Variants in ADGRD1 observed in about 807,000 individuals in gnomAD.
The protein encoded by ADGRD1 is G-protein coupled receptor 133.
In ADGRD1, 77 loss-of-function variants were observed where a neutral mutation model predicts 113.4. The observed-to-expected ratio is 0.68, with a 90% CI of 0.57 to 0.82. The LOEUF is 0.82. ADGRD1 is among the 40% of genes least tolerant of loss of function. ADGRD1 has a pLI of 0.00. For missense variants in ADGRD1, 1,036 were observed against 1,139.1 expected, an observed-to-expected ratio of 0.91 and a Z score of 1.30; for synonymous variants, 474 against 475.0, an observed-to-expected ratio of 1.00 and a Z score of 0.03.
Position 131,060,906 on chromosome 12 carries a change from G to A in ADGRD1, c.1474-15895G>A, listed in dbSNP as rs1159655537. 6.6e-6 allele frequency among the ~76,000 whole-genome samples: 1 copy of A among 151,994 alleles called. No homozygotes were observed. The highest frequency in any genetic ancestry group is 1.5e-5 in the Non-Finnish European group (1 of 68,004). ...GCCTCCCAGGGGCTCAGTCCACCCC[G>A]CCCATGTTACCTGGATGGAGAACAG... On this transcript the variant is annotated intron_variant, in intron 13 of 24. Coordinates refer to ENST00000261654, the MANE Select transcript of ADGRD1 (RefSeq NM_198827.5). The surrounding 1 kb of genome is among the most constrained non-coding windows in gnomAD (Gnocchi z 4.4).
intron 12 of ADGRD1, among the ~76,000 whole-genome samples, chr12:131,007,809 G>A (rs1185342897): frequency 6.6e-6 from 1 of 152,252 alleles, no homozygotes; most frequent in Admixed American, 6.5e-5. Context: ...CATTTGCAGT[G>A]AAGTTGGATC....
intron 13 of ADGRD1, among the ~76,000 whole-genome samples, chr12:131,021,373 C>CT (rs1879295246): frequency 6.6e-6 from 1 of 152,142 alleles, no homozygotes; most frequent in Non-Finnish European, 1.5e-5. Context: ...TCTCCCATGA[C>CT]TTTGACACTT....
chr12:130,994,067 G>A (rs1593314451), intron 8 of ADGRD1: 1 of 240,102 alleles, frequency 4.2e-6, no homozygotes, highest in Non-Finnish European at 9.0e-6. Flanking sequence ...CAAGGGGAGT[G>A]GGATTAGCAA....
intron 5 of ADGRD1, 115 bp downstream of exon 5, chr12:130,982,178 T>G (rs1040555274): frequency 1.1e-6 from 1 of 876,368 alleles, no homozygotes; most frequent in African/African-American, 1.7e-5. Context: ...TGCTGCCTCC[T>G]GGCACCCGAG....
intron 13 of ADGRD1, among the ~76,000 whole-genome samples, chr12:131,038,684 C>T (rs528674939): frequency 8.5e-4 from 129 of 152,312 alleles, no homozygotes; most frequent in Non-Finnish European, 1.2e-3. Context: ...GGCAACCTGC[C>T]TCTGACTCTG....
intron 20 of ADGRD1, 60 bp downstream of exon 20, chr12:131,120,973 G>A (rs1441219037): frequency 6.0e-6 from 9 of 1,501,034 alleles, no homozygotes; most frequent in African/African-American, 2.8e-5. Flanking sequence ...AGGAGAGGGT[G>A]TGGGGCTCTG....
Position 130,982,077 on chromosome 12 carries a change from T to C in ADGRD1, c.490+14T>C, listed in dbSNP as rs757150423. On this transcript the variant is annotated intron_variant, in intron 5 of 24. Coordinates refer to ENST00000261654, the MANE Select transcript of ADGRD1 (RefSeq NM_198827.5). Reference sequence around the variant, plus strand: ...TCAGCCCCCCAGGTGAGTGACAGCATCGGTCCCGGGAGGCTCTGCCTGGAG... The same window carrying C: ...TCAGCCCCCCAGGTGAGTGACAGCACCGGTCCCGGGAGGCTCTGCCTGGAG... 1.9e-6 allele frequency: 3 copies of C among 1,610,126 alleles called. No homozygotes were observed. The highest frequency in any genetic ancestry group is 2.5e-6 in the Non-Finnish European group (3 of 1,177,644).
rs1389385721 is a variant in ADGRD1, at chr12:131,075,565, A to G, written c.1474-1236A>G. Among the ~76,000 whole-genome samples, 1 of 152,222 alleles carries G rather than the reference A, an allele frequency of 6.6e-6. No individual in the cohort carries two copies. The highest frequency in any genetic ancestry group is 1.5e-5 in the Non-Finnish European group (1 of 68,034). On this transcript the variant is annotated intron_variant, in intron 13 of 24. Transcript: ENST00000261654. The surrounding 1 kb of genome is among the most constrained non-coding windows in gnomAD (Gnocchi z 5.3). ...AGTAAACGTTCCATTTTGCCAAAACATTAGTAGTAGACAGCACTAGGATAA... is the reference window on the plus strand; with the variant it reads ...AGTAAACGTTCCATTTTGCCAAAACGTTAGTAGTAGACAGCACTAGGATAA...
intron 15 of ADGRD1, among the ~76,000 whole-genome samples, chr12:131,102,167 G>A (rs1235142562): frequency 6.6e-6 from 1 of 152,204 alleles, no homozygotes; most frequent in Admixed American, 6.5e-5. Flanking sequence ...TGGACAATTT[G>A]CTAATAATGT....
chr12:130,990,825 A>G (rs1455549224), intron 6 of ADGRD1, 189 bp from the exon 7 acceptor site: 1 of 520,032 alleles, frequency 1.9e-6, no homozygotes, highest in African/African-American at 1.9e-5. Context: ...ACCTGGGAAA[A>G]TCTATACGGT....
chr12:131,044,756 C>T (rs538633563), intron 13 of ADGRD1, among the ~76,000 whole-genome samples: 2 of 152,354 alleles, frequency 1.3e-5, no homozygotes, highest in South Asian at 4.1e-4. Context: ...ACACACACGA[C>T]GGCATCACGC....
At chr12:131,014,728 G>A (rs1050557649) in intron 13 of ADGRD1, among the ~76,000 whole-genome samples, 2 of 152,202 alleles carry the variant, frequency 1.3e-5, no homozygotes, top group African/African-American at 4.8e-5. Flanking sequence ...CTGTTAGAGA[G>A]AAACATGCTT....
chr12:130,954,625 T>C lies in ADGRD1; in HGVS notation c.68T>C (p.Val23Ala), dbSNP rs1869294473. The C allele has an allele frequency of 6.2e-7, 1 of 1,613,792 alleles. No individual in the cohort carries two copies. The highest frequency in any genetic ancestry group is 2.2e-5 in the East Asian group (1 of 44,884). ...CACACTGTGGTCTTTTGTGCGCAGG[T>C]GCGTGGCGTCTACTCCAGATCGCAG... is the stretch of plus-strand genomic sequence containing the variant. ...WLLLFYYNFQVRGVYSRSQDH... is the reference protein window; with the variant it reads ...WLLLFYYNFQARGVYSRSQDH... The change falls in exon 2 of 25, where the codon GTG (valine) becomes GCG (alanine). Residue 23 changes from valine (V) to alanine (A), a missense_variant and splice_region_variant. Coordinates refer to ENST00000261654, the MANE Select transcript of ADGRD1 (RefSeq NM_198827.5). The surrounding 1 kb of genome is among the most constrained non-coding windows in gnomAD (Gnocchi z 4.7).
chr12:131,131,606 T>G lies in ADGRD1; in HGVS notation c.2176-119T>G, dbSNP rs1950929819. 5 of 674,582 alleles carry G rather than the reference T, an allele frequency of 7.4e-6. No individual in the cohort carries two copies. In the South Asian group the frequency reaches 8.8e-5, roughly 12 times the overall value. 41.8% of individuals were successfully genotyped at this position (674,582 alleles called of 1,614,324 possible). On this transcript the variant is annotated intron_variant, in intron 20 of 24. Coordinates refer to ENST00000261654, the MANE Select transcript of ADGRD1 (RefSeq NM_198827.5). ...GATTTGTCCCAGTGATGCCCCTGTG[T>G]CCCAGGAGCCCTGGCTGGGCAGGGG... is the stretch of plus-strand genomic sequence containing the variant.
At chr12:131,131,004 A>G (rs1428720566) in intron 20 of ADGRD1, among the ~76,000 whole-genome samples, 1 of 152,222 alleles carries the variant, frequency 6.6e-6, no homozygotes, top group African/African-American at 2.4e-5. Context: ...TTTTTCAGAC[A>G]CAAGGGAGAA....
At chr12:131,122,532 T>C (rs7967018) in intron 20 of ADGRD1, among the ~76,000 whole-genome samples, 62,085 of 151,568 alleles carry the variant, frequency 0.41, 13,105 homozygotes, top group Middle Eastern at 0.57. Flanking sequence ...GACCATTCAT[T>C]TTGCCAACCA....
At chr12:131,137,158 G>A (rs946542602) in intron 23 of ADGRD1, 144 bp downstream of exon 23, 3 of 721,830 alleles carry the variant, frequency 4.2e-6, no homozygotes, top group South Asian at 3.1e-5. Flanking sequence ...ATGCCAAGTT[G>A]TGTGCCCTGG....
chr12:131,010,085 G>A (rs565616579), intron 12 of ADGRD1, among the ~76,000 whole-genome samples: 19 of 152,338 alleles, frequency 1.2e-4, no homozygotes, highest in South Asian at 6.2e-4. Context: ...TGAGGAAGTC[G>A]CCTGTTACCC....
rs184571330 is a variant in ADGRD1 at position 131,134,812 on chromosome 12, A to G, written c.2268-1225A>G. ...TTGTTCATCATTCATTCATTCATTC[A>G]TTCATTCAATGTTTATTTCCTGAGA... On this transcript the variant is annotated intron_variant, in intron 21 of 24. Coordinates refer to ENST00000261654, the MANE Select transcript of ADGRD1 (RefSeq NM_198827.5). 2.7e-3 allele frequency among the ~76,000 whole-genome samples: 408 copies of G among 152,340 alleles called. 9 individuals carry two copies. Among genetic ancestry groups the G allele is most frequent in the Admixed American group, 0.023 (359 of 15,312 alleles).
Sources: gnomAD v4.1 joint callset for allele counts (sites outside exome capture counted in the v4.1 genomes callset) on GRCh38, gnomAD v4.1.1 for gene constraint, Gnocchi (gnomAD v3.1) non-coding constraint, MANE v1.5 for transcripts, NCBI Gene and HGNC (gene_info 2026-07-23, HGNC 2026-07-21) for gene names.